The following SH2D4B variants were observed in gnomAD, a reference collection of about 807,000 sequenced individuals.
The protein encoded by SH2D4B is SH2 domain containing 4B.
A neutral mutation model predicts 61.5 loss-of-function variants in SH2D4B; 45 were observed. The observed-to-expected ratio is 0.73, with a 90% CI of 0.58 to 0.94. SH2D4B has a LOEUF of 0.94. Among genes scored for constraint, SH2D4B ranks in the 40% least tolerant of loss-of-function variants. The pLI is 0.00. For synonymous variants in SH2D4B, 224 were observed against 220.4 expected (o/e 1.02, Z -0.14); for missense variants, 572 against 574.2 (o/e 1.00, Z 0.04).
Position 80,570,136 on chromosome 10 carries a change from C to T in SH2D4B, c.185-18C>T, listed in dbSNP as rs761718200. ...TTGAAAATCAAACTTGTTTCTTCTT[C>T]CTTCTTCTATTGTGAAGCAGCGAGT... On this transcript the variant is annotated intron_variant, in intron 1 of 7. Coordinates refer to ENST00000646907, the MANE Select transcript of SH2D4B (RefSeq NM_001388272.1). 3 of 1,613,866 alleles carry T rather than the reference C, an allele frequency of 1.9e-6. No individual in the cohort carries two copies. In the South Asian group the frequency reaches 3.3e-5, roughly 18 times the overall value.
At chr10:80,612,986 A>G (rs770777725) in intron 6 of SH2D4B, among the ~76,000 whole-genome samples, 1 of 152,218 alleles carries the variant, frequency 6.6e-6, no homozygotes, top group Non-Finnish European at 1.5e-5. Flanking sequence ...ACTTACGAAG[A>G]TTGAGCCAAC....
intron 4 of SH2D4B, among the ~76,000 whole-genome samples, chr10:80,590,152 G>A (rs12770270): frequency 0.099 from 15,060 of 152,170 alleles, 858 homozygotes; most frequent in Admixed American, 0.14. Context: ...TGTTTATTGT[G>A]ATTTCCTGGG....
intron 6 of SH2D4B, among the ~76,000 whole-genome samples, chr10:80,622,712 C>T (rs1382470570): frequency 6.6e-6 from 1 of 152,186 alleles, no homozygotes; most frequent in Non-Finnish European, 1.5e-5. Context: ...CTCAGTTGGT[C>T]TCCTGCTTTC....
chr10:80,577,501 A>G (rs1017212264), intron 3 of SH2D4B, among the ~76,000 whole-genome samples: 1 of 149,786 alleles, frequency 6.7e-6, no homozygotes, highest in Non-Finnish European at 1.5e-5. Flanking sequence ...ATCTCAGCTC[A>G]CTGCAAGCTC....
intron 1 of SH2D4B, among the ~76,000 whole-genome samples, chr10:80,543,951 C>T (rs943532993): frequency 6.6e-6 from 1 of 151,698 alleles, no homozygotes; most frequent in Non-Finnish European, 1.5e-5. Flanking sequence ...CACCAATCAG[C>T]GCCCTGTCAA....
At position 80,644,269 on chromosome 10, in the gene SH2D4B, G is replaced by A. The variant is rs767517243; in HGVS notation, c.*184G>A. The A allele has an allele frequency of 8.9e-6, 5 of 563,166 alleles. No homozygotes were observed. Among genetic ancestry groups the A allele is most frequent in the Middle Eastern group, 4.6e-4 (1 of 2,154 alleles). 34.9% of individuals were successfully genotyped at this position (563,166 alleles called of 1,614,324 possible). A position where few individuals can be genotyped will look rare whatever the true frequency, so the allele number is the denominator to read the frequency against. ...GGCTACTGGTCTCATCCCAGCGATC[G>A]GGACAGAAATTGCTAATAGCTCATG... On this transcript the variant is annotated 3_prime_UTR_variant, in exon 8 of 8. Coordinates refer to ENST00000646907, the MANE Select transcript of SH2D4B (RefSeq NM_001388272.1).
At chr10:80,571,990 T>G (rs2132119120) in intron 3 of SH2D4B, among the ~76,000 whole-genome samples, 1 of 152,114 alleles carries the variant, frequency 6.6e-6, no homozygotes, top group East Asian at 1.9e-4. Context: ...GCCAGGATGG[T>G]CTTGATCTCC....
intron 7 of SH2D4B, among the ~76,000 whole-genome samples, chr10:80,640,109 A>T (rs981563381): frequency 2.0e-5 from 3 of 152,158 alleles, no homozygotes; most frequent in African/African-American, 7.2e-5. Flanking sequence ...AATGTTGAAT[A>T]TTGGCCCCCA....
intron 6 of SH2D4B, among the ~76,000 whole-genome samples, chr10:80,620,995 T>A (rs749565014): frequency 4.9e-4 from 75 of 152,268 alleles, no homozygotes; most frequent in Non-Finnish European, 9.0e-4. Flanking sequence ...TGATAATTTT[T>A]AAATAAACTC....
intron 6 of SH2D4B, among the ~76,000 whole-genome samples, chr10:80,629,037 AAAAAG>A (rs1469243326): frequency 0.025 from 3,201 of 126,614 alleles, 56 homozygotes; most frequent in South Asian, 0.038. Context: ...CTCAAAAAAA[AAAAAG>A]AAAAAGAAAA....
At position 80,586,118 on chromosome 10, in the gene SH2D4B, A is replaced by G. The variant is rs1842243679; in HGVS notation, c.496-2512A>G. On this transcript the variant is annotated intron_variant, in intron 3 of 7. Transcript: ENST00000646907. ...GGCCTTAGCTGCCTCCCCGTGGGGC[A>G]GGGCTCGGGACCTGCAGCTTGCCAT... 2.0e-5 allele frequency among the ~76,000 whole-genome samples: 3 copies of G among 152,160 alleles called. No individual in the cohort carries two copies. The South Asian group carries it at 6.2e-4, about 31-fold the overall frequency.
intron 3 of SH2D4B, among the ~76,000 whole-genome samples, chr10:80,580,959 T>G (rs532751446): frequency 6.6e-6 from 1 of 152,338 alleles, no homozygotes; most frequent in South Asian, 2.1e-4. Context: ...ATTAGATGGC[T>G]CAGAGAATTC....
chr10:80,639,666 A>G (rs966402213), intron 7 of SH2D4B, among the ~76,000 whole-genome samples: 3 of 152,080 alleles, frequency 2.0e-5, no homozygotes, highest in East Asian at 1.9e-4. Flanking sequence ...TTTTGAGCCT[A>G]TGTGTGTCTC....
At chr10:80,556,834 G>A (rs1841843930) in intron 1 of SH2D4B, among the ~76,000 whole-genome samples, 1 of 152,088 alleles carries the variant, frequency 6.6e-6, no homozygotes, top group Non-Finnish European at 1.5e-5. Context: ...AAATGATTAT[G>A]TCATATGCAA....
At chr10:80,580,917 A>G (rs1842179077) in intron 3 of SH2D4B, among the ~76,000 whole-genome samples, 1 of 152,122 alleles carries the variant, frequency 6.6e-6, no homozygotes, top group Admixed American at 6.5e-5. Flanking sequence ...TGGCTGCTAA[A>G]CCTCAGAAAA....
chr10:80,629,824 G>T (rs146057578), intron 6 of SH2D4B, among the ~76,000 whole-genome samples: 1 of 152,132 alleles, frequency 6.6e-6, no homozygotes, highest in African/African-American at 2.4e-5. Flanking sequence ...CCTCAAACTC[G>T]GTTTCAGAGA....
Position 80,561,674 on chromosome 10 carries a change from C to G in SH2D4B, c.185-8480C>G, listed in dbSNP as rs368293518. ...GTAACATGTTATGTCACTAAGGTAC[C>G]CTGATCAAAACTAAGAAATTAACAT... is the stretch of plus-strand genomic sequence containing the variant. On this transcript the variant is annotated intron_variant, in intron 1 of 7. Coordinates refer to ENST00000646907, the MANE Select transcript of SH2D4B (RefSeq NM_001388272.1). Among the ~76,000 whole-genome samples, 3 of 151,980 alleles carry G rather than the reference C, an allele frequency of 2.0e-5. No individual in the cohort carries two copies. In the South Asian group the frequency reaches 6.2e-4, roughly 32 times the overall value.
intron 3 of SH2D4B, among the ~76,000 whole-genome samples, chr10:80,580,399 T>C (rs961935802): frequency 6.6e-6 from 1 of 152,186 alleles, no homozygotes; most frequent in Non-Finnish European, 1.5e-5. Context: ...CTCTGTAGAC[T>C]GGCCAGAACT....
rs199771947 is a variant in SH2D4B, at chr10:80,570,454, A to G, written c.347+138A>G. 2.1e-4 allele frequency: 227 copies of G among 1,086,332 alleles called. 1 individual carries two copies. In the East Asian group the frequency reaches 5.8e-3, roughly 28 times the overall value. 67.3% of individuals were successfully genotyped at this position (1,086,332 alleles called of 1,614,324 possible). ...GGGCTGGTCTCAAACTCCTGACCTC[A>G]GGTGAGCCACCCGCTTCGGCCTCCC... On this transcript the variant is annotated intron_variant, in intron 2 of 7. Transcript: ENST00000646907.
Sources: allele counts gnomAD v4.1 joint callset (sites outside exome capture counted in the v4.1 genomes callset), GRCh38; gene constraint gnomAD v4.1.1; transcripts MANE v1.5; gene names NCBI Gene and HGNC (gene_info 2026-07-23, HGNC 2026-07-21).